ECHDC2: variants seen among roughly 807,000 people sequenced by gnomAD.
ECHDC2 encodes enoyl-CoA hydratase domain containing 2.
A neutral mutation model predicts 40.6 loss-of-function variants in ECHDC2; 34 were observed. The observed-to-expected ratio is 0.84, with a 90% CI of 0.64 to 1.11. The LOEUF (loss-of-function observed/expected upper bound fraction) is 1.11, where lower values mean the gene tolerates loss of function less well. ECHDC2 is among the 50% of genes most tolerant of loss of function. The pLI is 0.00. For missense variants in ECHDC2, 392 were observed against 400.7 expected, an observed-to-expected ratio of 0.98 and a Z score of 0.19; for synonymous variants, 162 against 166.6, an observed-to-expected ratio of 0.97 and a Z score of 0.21.
At chr1:52,900,190 A>C (rs555770401) in intron 7 of ECHDC2, 1 of 152,344 alleles carries the variant, frequency 6.6e-6, no homozygotes, top group East Asian at 1.9e-4. Flanking sequence ...ACAGTGAGGT[A>C]CTGTGCCCTT....
At chr1:52,908,484 GA>G (rs1648526323) in intron 3 of ECHDC2, among the ~76,000 whole-genome samples, 1 of 151,836 alleles carries the variant, frequency 6.6e-6, no homozygotes. Flanking sequence ...CCTCGGTGAC[GA>G]GCAAGACTCC....
chr1:52,917,476 A>G (rs979129935), intron 1 of ECHDC2: 2 of 444,884 alleles, frequency 4.5e-6, no homozygotes, highest in Non-Finnish European at 9.0e-6. Flanking sequence ...AAAGATTTCC[A>G]TAAGCAGAAA....
chr1:52,917,502 C>T (rs971027984), intron 1 of ECHDC2: 6 of 452,228 alleles, frequency 1.3e-5, no homozygotes, highest in African/African-American at 1.2e-4. Flanking sequence ...GAAGAGGAGC[C>T]AAGTCAGGGC....
chr1:52,916,684 T>G (rs1330348378), intron 1 of ECHDC2, among the ~76,000 whole-genome samples: 1 of 152,182 alleles, frequency 6.6e-6, no homozygotes, highest in Non-Finnish European at 1.5e-5. Context: ...TTGTGCAACA[T>G]TTAATTTGCA....
intron 8 of ECHDC2, chr1:52,898,495 AG>A (rs1050140341): frequency 6.5e-6 from 1 of 153,622 alleles, no homozygotes; most frequent in Non-Finnish European, 1.4e-5. Context: ...CTGGGACTAC[AG>A]GCATGAGCCA....
intron 1 of ECHDC2, among the ~76,000 whole-genome samples, chr1:52,915,798 C>G (rs1650548329): frequency 1.3e-5 from 2 of 152,110 alleles, no homozygotes; most frequent in African/African-American, 2.4e-5. Flanking sequence ...CAATGTTACT[C>G]CTGAGATTAG....
chr1:52,903,921 G>A lies in ECHDC2; in HGVS notation c.702+725C>T, dbSNP rs1203315845. Among the ~76,000 whole-genome samples the A allele has an allele frequency of 4.0e-5, 6 of 151,424 alleles. No individual in the cohort carries two copies. In the East Asian group the frequency reaches 9.8e-4, roughly 25 times the overall value. On this transcript the variant is annotated intron_variant, in intron 7 of 9. Coordinates refer to ENST00000371522, the MANE Select transcript of ECHDC2 (RefSeq NM_001198961.2). ...CAACCTCCGCCTCCCAGGTTCAAGC[G>A]ATTCTCCTGCCTCAGCCTCCTGAGT...
At chr1:52,915,387 C>T (rs1650461542) in intron 1 of ECHDC2, 1 of 455,328 alleles carries the variant, frequency 2.2e-6, no homozygotes, top group Non-Finnish European at 4.4e-6. Context: ...TCTCAAGGGA[C>T]AGGGTGTTCA....
chr1:52,912,008 G>T (rs981476304), intron 1 of ECHDC2: 18 of 1,423,430 alleles, frequency 1.3e-5, no homozygotes, highest in Non-Finnish European at 1.6e-5. Context: ...AGAGAAAGTG[G>T]AAGGACTTGT....
chr1:52,905,177 A>C (rs1647458475), intron 5 of ECHDC2, 87 bp from the exon 6 acceptor site: 1 of 1,449,660 alleles, frequency 6.9e-7, no homozygotes, highest in East Asian at 2.4e-5. Flanking sequence ...TCTGCTGTCT[A>C]CTCGCCCCTC....
chr1:52,906,658 AG>A (rs1488655040), intron 4 of ECHDC2, 47 bp from the exon 5 acceptor site: 1 of 1,512,454 alleles, frequency 6.6e-7, no homozygotes, highest in Non-Finnish European at 9.0e-7. Flanking sequence ...TGGTGGGACC[AG>A]GACAGAGACT....
intron 1 of ECHDC2, chr1:52,917,452 C>G: frequency 2.3e-6 from 1 of 426,888 alleles, no homozygotes; most frequent in Admixed American, 2.5e-5. Context: ...AGCAGCAGAG[C>G]AGGGGAGTTC....
chr1:52,899,271 T>G, intron 7 of ECHDC2, 47 bp from the exon 8 acceptor site: 1 of 1,589,014 alleles, frequency 6.3e-7, no homozygotes, highest in African/African-American at 1.3e-5. Flanking sequence ...TCAAGGCTGA[T>G]AGTTGCAGGT....
intron 3 of ECHDC2, among the ~76,000 whole-genome samples, chr1:52,910,125 A>C (rs1649024225): frequency 6.6e-6 from 1 of 152,134 alleles, no homozygotes; most frequent in Admixed American, 6.6e-5. Context: ...GAATAGATAA[A>C]TACATAGAGA....
intron 8 of ECHDC2, 184 bp downstream of exon 8, chr1:52,898,990 A>G (rs1193574209): frequency 4.3e-6 from 3 of 695,198 alleles, no homozygotes; most frequent in East Asian, 2.7e-5. Flanking sequence ...AATGTAAACA[A>G]TAATACTGTC....
intron 7 of ECHDC2, among the ~76,000 whole-genome samples, chr1:52,904,384 A>ATGT (rs1391247972): frequency 6.6e-6 from 1 of 152,166 alleles, no homozygotes; most frequent in Non-Finnish European, 1.5e-5. Context: ...CATTTATCTC[A>ATGT]TCTCAGAATG....
intron 7 of ECHDC2, among the ~76,000 whole-genome samples, chr1:52,904,040 A>T (rs1403423551): frequency 6.7e-6 from 1 of 149,702 alleles, no homozygotes; most frequent in Non-Finnish European, 1.5e-5. Context: ...GTGGTCTTGA[A>T]CTCCTAACCT....
At chr1:52,913,844 T>G in intron 1 of ECHDC2, 2 of 878,288 alleles carry the variant, frequency 2.3e-6, no homozygotes, top group Non-Finnish European at 2.9e-6. Flanking sequence ...AGATGCATAA[T>G]GACACGTATC....
intron 1 of ECHDC2, among the ~76,000 whole-genome samples, chr1:52,921,122 G>C (rs1205158305): frequency 6.6e-6 from 1 of 152,208 alleles, no homozygotes; most frequent in Non-Finnish European, 1.5e-5. Context: ...CGCGCGGCTG[G>C]AGAGGCACCC....
Sources: gnomAD v4.1 joint callset for allele counts (sites outside exome capture counted in the v4.1 genomes callset) on GRCh38, gnomAD v4.1.1 for gene constraint, MANE v1.5 for transcripts, NCBI Gene and HGNC (gene_info 2026-07-23, HGNC 2026-07-21) for gene names.